Variants in IL1RAPL2 observed in about 807,000 individuals in gnomAD.
The protein encoded by IL1RAPL2 is X-linked interleukin-1 receptor accessory protein-like 2.
A neutral mutation model predicts 44.1 loss-of-function variants in IL1RAPL2; 3 were observed. That is an observed-to-expected ratio of 0.07 (90% CI 0.03 to 0.18). The LOEUF is 0.18. Among genes scored for constraint, IL1RAPL2 ranks in the 10% least tolerant of loss-of-function variants. IL1RAPL2 has a pLI of 1.00. For synonymous variants in IL1RAPL2, 181 were observed against 178.8 expected (o/e 1.01, Z -0.10); for missense variants, 391 against 496.4 (o/e 0.79, Z 2.02).
intron 2 of IL1RAPL2, among the ~76,000 whole-genome samples, chrX:105,045,447 G>T (rs886370868): frequency 1.8e-5 from 2 of 112,214 alleles, no homozygotes; most frequent in Non-Finnish European, 3.8e-5. Flanking sequence ...CAGAGAGTTG[G>T]ATGTTGTTTA....
chrX:105,728,952 C>CA (rs1440326208), intron 7 of IL1RAPL2, among the ~76,000 whole-genome samples: 3 of 110,904 alleles, frequency 2.7e-5, no homozygotes, highest in Non-Finnish European at 5.7e-5. Context: ...TTGCCTTTTC[C>CA]AAAATGTCAT....
intron 2 of IL1RAPL2, among the ~76,000 whole-genome samples, chrX:104,814,882 A>G (rs1248090824): frequency 8.9e-6 from 1 of 112,028 alleles, no homozygotes; most frequent in East Asian, 2.8e-4. Flanking sequence ...GGAAGAGAGG[A>G]CAATAATAGG....
intron 3 of IL1RAPL2, chrX:105,219,996 G>A (rs782716716): frequency 8.3e-7 from 1 of 1,208,234 alleles, no homozygotes; most frequent in African/African-American, 1.7e-5. Context: ...CCACGAGGCT[G>A]GTCTGGGCCA....
chrX:105,304,536 T>C (rs1002446060), intron 5 of IL1RAPL2, among the ~76,000 whole-genome samples: 1 of 112,086 alleles, frequency 8.9e-6, no homozygotes, highest in Non-Finnish European at 1.9e-5. Context: ...ACAATGGGGA[T>C]ACAAATCAGT....
At chrX:105,735,567 T>G (rs1160606463) in intron 7 of IL1RAPL2, among the ~76,000 whole-genome samples, 3 of 111,409 alleles carry the variant, frequency 2.7e-5, no homozygotes, top group Non-Finnish European at 5.7e-5. Flanking sequence ...TCTTGTCTTC[T>G]ATTCTGGAAA....
At chrX:105,099,269 G>A (rs1444638443) in intron 2 of IL1RAPL2, among the ~76,000 whole-genome samples, 2 of 110,436 alleles carry the variant, frequency 1.8e-5, no homozygotes, top group African/African-American at 6.6e-5. Context: ...AGCTGAGGCT[G>A]GGTAATTTAC....
intron 2 of IL1RAPL2, among the ~76,000 whole-genome samples, chrX:104,916,720 C>T (rs80231750): frequency 9.0e-6 from 1 of 110,991 alleles, no homozygotes; most frequent in South Asian, 3.8e-4. Flanking sequence ...ACAGATAGCT[C>T]TTATTATGTT....
At chrX:105,529,854 A>C (rs763637438) in intron 6 of IL1RAPL2, among the ~76,000 whole-genome samples, 8 of 112,163 alleles carry the variant, frequency 7.1e-5, no homozygotes, top group Non-Finnish European at 1.1e-4. Flanking sequence ...GGATGTCTTC[A>C]AGGTTCATCC....
At chrX:105,695,918 A>C (rs896629344) in intron 6 of IL1RAPL2, among the ~76,000 whole-genome samples, 12 of 112,088 alleles carry the variant, frequency 1.1e-4, no homozygotes, top group Non-Finnish European at 2.3e-4. Context: ...CTGTGCTGCA[A>C]TGTCTGCATA....
intron 5 of IL1RAPL2, among the ~76,000 whole-genome samples, chrX:105,380,494 G>A (rs896373317): frequency 2.7e-5 from 3 of 110,714 alleles, no homozygotes; most frequent in African/African-American, 9.8e-5. Flanking sequence ...AAGAGATGAG[G>A]CAACTGAGGC....
chrX:104,869,467 AT>A (rs1469590622), intron 2 of IL1RAPL2, among the ~76,000 whole-genome samples: 2 of 111,428 alleles, frequency 1.8e-5, no homozygotes, highest in East Asian at 2.8e-4. Context: ...TTTTAAAATA[AT>A]TTTTTCCCCA....
intron 6 of IL1RAPL2, among the ~76,000 whole-genome samples, chrX:105,621,501 G>A (rs1054742855): frequency 2.7e-5 from 3 of 111,582 alleles, no homozygotes; most frequent in African/African-American, 9.8e-5. Context: ...TCTCCTTGAT[G>A]TAGTGAGGCC....
At chrX:104,797,696 G>A (rs918047122) in intron 2 of IL1RAPL2, among the ~76,000 whole-genome samples, 3 of 112,011 alleles carry the variant, frequency 2.7e-5, no homozygotes, top group Admixed American at 1.9e-4. Context: ...AGTTCAGATT[G>A]CTATGCCAGA....
In IL1RAPL2 at chrX:105,657,905, G is replaced by A. The variant is rs185005426; in HGVS notation, c.773-59462G>A. The stretch of plus-strand genomic sequence containing the variant: ...GCTGGGATTAGAGGCATCAGCCACC[G>A]CAACCAGCCTATCCTCGTTAATCCA... On this transcript the variant is annotated intron_variant, in intron 6 of 10. Transcript: ENST00000372582. Among the ~76,000 whole-genome samples, 38 of 109,774 alleles carry A rather than the reference G, an allele frequency of 3.5e-4. 1 individual carries two copies. Among genetic ancestry groups the A allele is most frequent in the Admixed American group, 1.3e-3 (13 of 10,278 alleles).
intron 5 of IL1RAPL2, among the ~76,000 whole-genome samples, chrX:105,273,763 G>A (rs1458242925): frequency 8.9e-6 from 1 of 111,907 alleles, no homozygotes; most frequent in Non-Finnish European, 1.9e-5. Flanking sequence ...TGTATACAGT[G>A]TATACATGTT....
chrX:104,948,582 A>G (rs1298121778), intron 2 of IL1RAPL2, among the ~76,000 whole-genome samples: 19 of 108,243 alleles, frequency 1.8e-4, no homozygotes, highest in African/African-American at 6.0e-4. Flanking sequence ...ATTATTTTGA[A>G]ATACGTCCCA....
At chrX:104,825,211 T>C (rs1447492525) in intron 2 of IL1RAPL2, among the ~76,000 whole-genome samples, 2 of 111,582 alleles carry the variant, frequency 1.8e-5, no homozygotes, top group Non-Finnish European at 3.8e-5. Context: ...TAAAGGGTTG[T>C]TCTGGTGTTG....
chrX:104,750,857 C>G (rs1463672192), intron 2 of IL1RAPL2, among the ~76,000 whole-genome samples: 1 of 110,587 alleles, frequency 9.0e-6, no homozygotes, highest in Non-Finnish European at 1.9e-5. Flanking sequence ...GTGCTTATCA[C>G]AGTTTTTAAA....
rs1411303215 is a variant in IL1RAPL2 at position 105,649,374 on chromosome X, AT to A, written c.773-67991del. On this transcript the variant is annotated intron_variant, in intron 6 of 10. Transcript: ENST00000372582. ...TAAAAGATCCTAATGAGCCATTTAA[AT>A]TGTCAAGTAAAGATTACATGATGTT... Among the ~76,000 whole-genome samples the A allele has an allele frequency of 3.6e-5, 4 of 111,502 alleles. No individual in the cohort carries two copies. The Admixed American group carries it at 3.8e-4, about 11-fold the overall frequency.
Sources: allele counts gnomAD v4.1 joint callset (sites outside exome capture counted in the v4.1 genomes callset), GRCh38; gene constraint gnomAD v4.1.1; transcripts MANE v1.5; gene names NCBI Gene and HGNC (gene_info 2026-07-23, HGNC 2026-07-21).